The following TYMS variants were observed in gnomAD, a reference collection of about 807,000 sequenced individuals.
TYMS encodes the protein thymidylate synthase.
TYMS carries 21 observed loss-of-function variants against 39.3 expected under a neutral mutation model. The observed-to-expected ratio is 0.54, with a 90% CI of 0.38 to 0.77. The LOEUF (loss-of-function observed/expected upper bound fraction) is 0.77, where lower values mean the gene tolerates loss of function less well. TYMS is among the 30% of genes least tolerant of loss of function. The pLI is 0.00. For synonymous variants in TYMS, 171 were observed against 162.2 expected (o/e 1.05, Z -0.41); for missense variants, 273 against 406.7 (o/e 0.67, Z 2.83).
At position 657,698 on chromosome 18, in the gene TYMS, C is replaced by T. The variant is rs1365379553; in HGVS notation, c.-45C>T. On this transcript the variant is annotated 5_prime_UTR_variant, in exon 1 of 7. Coordinates refer to ENST00000323274, the MANE Select transcript of TYMS (RefSeq NM_001071.4). ...GCCGCGCCACTTGGCCTGCCTCCGT[C>T]CCGCCGCGCCACTTCGCCTGCCTCC... is the stretch of plus-strand genomic sequence containing the variant. 2 of 1,284,352 alleles carry T rather than the reference C, an allele frequency of 1.6e-6. No individual in the cohort carries two copies. The highest frequency in any genetic ancestry group is 1.6e-5 in the African/African-American group (1 of 62,716). The allele number at this position is 1,284,352 out of a possible 1,614,324, so 79.6% of individuals were successfully genotyped here.
chr18:658,211 G>T lies in TYMS; in HGVS notation c.205+264G>T. The T allele has an allele frequency of 6.6e-7, 1 of 1,523,552 alleles. No homozygotes were observed. The highest frequency in any genetic ancestry group is 1.9e-5 in the Admixed American group (1 of 51,320). 94.4% of individuals were successfully genotyped at this position (1,523,552 alleles called of 1,614,324 possible). The stretch of plus-strand genomic sequence containing the variant: ...CGGCTCCGCGGCCGGGCTCGCAGTC[G>T]CCCCAGTGATGCCGTGGCCCCCGAG... On this transcript the variant is annotated intron_variant, in intron 1 of 6. Coordinates refer to ENST00000323274, the MANE Select transcript of TYMS (RefSeq NM_001071.4). This position sits in a 1 kb window ranked among gnomAD's most constrained non-coding sequence, Gnocchi z 4.5.
intron 3 of TYMS, among the ~76,000 whole-genome samples, chr18:667,005 T>TGATGGA (rs1200417916): frequency 2.0e-4 from 1 of 5,004 alleles, no homozygotes; most frequent in Non-Finnish European, 4.1e-4. Context: ...ATGGAGATGG[T>TGATGGA]GATGGTGATG....
intron 1 of TYMS, 130 bp from the exon 2 acceptor site, chr18:659,511 A>G: frequency 1.3e-6 from 1 of 746,294 alleles, no homozygotes; most frequent in South Asian, 1.6e-5. Flanking sequence ...TCTCTGGCCC[A>G]CTTTGCGGGA....
At position 657,895 on chromosome 18, in the gene TYMS, G is replaced by T; in HGVS notation, c.153G>T (p.Thr51=). The part of the protein sequence containing the change: ...LRCGVRKDDR[T]GTGTLSVFGM... ...GCGGCGTCAGGAAGGACGACCGCAC[G>T]GGCACCGGCACCCTGTCGGTATTCG... The change falls in exon 1 of 7, where the codon ACG becomes ACT. Residue 51 remains threonine, a synonymous_variant. Coordinates refer to ENST00000323274, the MANE Select transcript of TYMS (RefSeq NM_001071.4). The T allele has an allele frequency of 6.6e-7, 1 of 1,511,858 alleles. No homozygotes were observed. The highest frequency in any genetic ancestry group is 8.8e-7 in the Non-Finnish European group (1 of 1,136,104). The allele number at this position is 1,511,858 out of a possible 1,614,324, so 93.7% of individuals were successfully genotyped here. A position where few individuals can be genotyped will look rare whatever the true frequency, so the allele number is the denominator to read the frequency against.
intron 3 of TYMS, among the ~76,000 whole-genome samples, chr18:667,412 T>G (rs796899991): frequency 2.7e-4 from 1 of 3,758 alleles, no homozygotes; most frequent in Non-Finnish European, 5.4e-4. Context: ...ATGGTGATGG[T>G]GATGGTGATG....
At position 667,059 on chromosome 18, in the gene TYMS, AGATGGT is replaced by A. The variant is rs1406689485; in HGVS notation, c.455-2001_455-1996del. Among the ~76,000 whole-genome samples the A allele has an allele frequency of 3.1e-3, 57 of 18,554 alleles. 13 individuals carry two copies. The highest frequency in any genetic ancestry group is 3.6e-3 in the Admixed American group (6 of 1,668). 12.2% of individuals were successfully genotyped at this position (18,554 alleles called of 152,430 possible). A position where few individuals can be genotyped will look rare whatever the true frequency, so the allele number is the denominator to read the frequency against. On this transcript the variant is annotated intron_variant, in intron 3 of 6. Transcript: ENST00000323274. Reference sequence around the variant, plus strand: ...GAGATGGTGATGGTGATGGAGATGGAGATGGTGATGGTGATGGAGATGGTGATGGTG... The same window carrying A: ...GAGATGGTGATGGTGATGGAGATGGAGATGGTGATGGAGATGGTGATGGTG...
intron 3 of TYMS, among the ~76,000 whole-genome samples, chr18:668,458 C>CAA (rs2074901679): frequency 6.6e-6 from 1 of 152,114 alleles, no homozygotes; most frequent in East Asian, 1.9e-4. Flanking sequence ...GAAATGGGAG[C>CAA]AAAGTACAAG....
chr18:671,583 G>C, intron 6 of TYMS, 132 bp downstream of exon 6: 1 of 714,158 alleles, frequency 1.4e-6, no homozygotes, highest in Non-Finnish European at 2.5e-6. Flanking sequence ...TCAGTTTAGG[G>C]AGAAGTGGTG....
intron 3 of TYMS, among the ~76,000 whole-genome samples, chr18:667,155 T>A (rs374019755): frequency 2.3e-3 from 148 of 63,332 alleles, no homozygotes; most frequent in African/African-American, 5.4e-3. Flanking sequence ...ATGGTGATGG[T>A]GATGGAGATG....
At chr18:669,472 G>A (rs573502272) in intron 4 of TYMS, 116 of 226,686 alleles carry the variant, frequency 5.1e-4, no homozygotes, top group Middle Eastern at 3.4e-3. Context: ...TCCTGGGTTC[G>A]AGTGATTCTC....
rs774146272 is a variant in TYMS, at chr18:671,424, G to T, written c.777G>T (p.Leu259=). ...CTTTGGGAGATGCACATATTTACCT[G>T]AATCACATCGAGCCACTGAAAATTC... ...IHTLGDAHIY[L]NHIEPLKIQL... The change falls in exon 6 of 7, where the codon CTG becomes CTT. Residue 259 remains leucine, a synonymous_variant. Coordinates refer to ENST00000323274, the MANE Select transcript of TYMS (RefSeq NM_001071.4). 1.2e-6 allele frequency: 2 copies of T among 1,611,582 alleles called. No individual in the cohort carries two copies. Among genetic ancestry groups the T allele is most frequent in the Admixed American group, 1.7e-5 (1 of 59,542 alleles).
chr18:666,993 T>A (rs1168613304), intron 3 of TYMS, among the ~76,000 whole-genome samples: 139 of 5,802 alleles, frequency 0.024, 5 homozygotes, highest in Non-Finnish European at 0.028. Context: ...ATGGTGATGG[T>A]GATGGAGATG....
At chr18:662,501 ACT>A (rs1491138134) in intron 3 of TYMS, among the ~76,000 whole-genome samples, 181 bp downstream of exon 3, 1 of 101,856 alleles carries the variant, frequency 9.8e-6, no homozygotes, top group Non-Finnish European at 2.0e-5. Context: ...GCCGTTTCAC[ACT>A]CTTTTTTTTT....
chr18:659,502 C>G, intron 1 of TYMS, 139 bp from the exon 2 acceptor site: 1 of 715,816 alleles, frequency 1.4e-6, no homozygotes, highest in South Asian at 1.7e-5. Context: ...CCACCGTGAT[C>G]TCTGGCCCAC....
intron 6 of TYMS, chr18:671,748 C>G: frequency 7.8e-6 from 3 of 386,614 alleles, no homozygotes; most frequent in South Asian, 3.9e-5. Flanking sequence ...CTCATTTTAA[C>G]TTGAAGGAGA....
rs1377730634 is a variant in TYMS at position 664,443 on chromosome 18, T to C, written c.454+2123T>C. Among the ~76,000 whole-genome samples the C allele has an allele frequency of 6.2e-5, 9 of 144,688 alleles. 1 individual carries two copies. In the East Asian group the frequency reaches 1.9e-3, roughly 30 times the overall value. 94.9% of individuals were successfully genotyped at this position (144,688 alleles called of 152,430 possible). A position where few individuals can be genotyped will look rare whatever the true frequency, so the allele number is the denominator to read the frequency against. ...CTGAGACAATGGGGTTTTCTAGATA[T>C]ACAATCATGTCGTCTGCAAACAGGG... On this transcript the variant is annotated intron_variant, in intron 3 of 6. Coordinates refer to ENST00000323274, the MANE Select transcript of TYMS (RefSeq NM_001071.4).
intron 4 of TYMS, among the ~76,000 whole-genome samples, chr18:669,951 G>GA (rs1249211143): frequency 1.3e-5 from 2 of 151,748 alleles, no homozygotes; most frequent in Admixed American, 1.3e-4. Context: ...AACAGAGTGA[G>GA]ACCCTGAATA....
chr18:658,637 G>C lies in TYMS; in HGVS notation c.205+690G>C, dbSNP rs2074721187. 3.6e-6 allele frequency: 1 copy of C among 276,016 alleles called. No individual in the cohort carries two copies. The highest frequency in any genetic ancestry group is 3.2e-5 in the South Asian group (1 of 31,006). 17.1% of individuals were successfully genotyped at this position (276,016 alleles called of 1,614,324 possible). A position where few individuals can be genotyped will look rare whatever the true frequency, so the allele number is the denominator to read the frequency against. ...TGGCGCCAGGCTTTCAGGGGACAGT[G>C]GGGCGGGGCGGGGTGGGCACAGGAC... On this transcript the variant is annotated intron_variant, in intron 1 of 6. Transcript: ENST00000323274. This position sits in a 1 kb window ranked among gnomAD's most constrained non-coding sequence, Gnocchi z 4.5.
Position 658,204 on chromosome 18 carries a change from C to G in TYMS, c.205+257C>G. The G allele has an allele frequency of 6.5e-7, 1 of 1,528,572 alleles. No individual in the cohort carries two copies. The highest frequency in any genetic ancestry group is 8.8e-7 in the Non-Finnish European group (1 of 1,132,734). The allele number at this position is 1,528,572 out of a possible 1,614,324, so 94.7% of individuals were successfully genotyped here. Reference sequence around the variant, plus strand: ...GTCCCAGCGGCTCCGCGGCCGGGCTCGCAGTCGCCCCAGTGATGCCGTGGC... The same window carrying G: ...GTCCCAGCGGCTCCGCGGCCGGGCTGGCAGTCGCCCCAGTGATGCCGTGGC... On this transcript the variant is annotated intron_variant, in intron 1 of 6. Transcript: ENST00000323274. The surrounding 1 kb of genome is among the most constrained non-coding windows in gnomAD (Gnocchi z 4.5).
Sources: gnomAD v4.1 joint callset for allele counts (sites outside exome capture counted in the v4.1 genomes callset) on GRCh38, gnomAD v4.1.1 for gene constraint, Gnocchi (gnomAD v3.1) non-coding constraint, MANE v1.5 for transcripts, NCBI Gene and HGNC (gene_info 2026-07-23, HGNC 2026-07-21) for gene names.